The following ERBB3 variants were observed in gnomAD, a reference collection of about 807,000 sequenced individuals.
ERBB3 encodes the protein receptor tyrosine-protein kinase erbB-3.
Under a neutral mutation model 156.7 loss-of-function variants are expected in ERBB3, and 96 were observed. That is an observed-to-expected ratio of 0.61 (90% CI 0.52 to 0.73). ERBB3 has a LOEUF of 0.73. Among genes scored for constraint, ERBB3 ranks in the 30% least tolerant of loss-of-function variants. The pLI, the probability that ERBB3 is intolerant of heterozygous loss-of-function variation, is 0.00. For synonymous variants in ERBB3, 567 were observed against 632.0 expected (o/e 0.90, Z 1.54); for missense variants, 1,406 against 1,709.4 (o/e 0.82, Z 3.13).
intron 9 of ERBB3, among the ~76,000 whole-genome samples, chr12:56,090,339 A>G (rs1402551935): frequency 6.6e-6 from 1 of 152,094 alleles, no homozygotes; most frequent in Non-Finnish European, 1.5e-5. Flanking sequence ...AAATGTTAAC[A>G]TACCACATAT....
intron 2 of ERBB3, 81 bp downstream of exon 2, chr12:56,083,983 T>G (rs1868395442): frequency 7.2e-7 from 1 of 1,380,944 alleles, no homozygotes; most frequent in Non-Finnish European, 1.0e-6. Flanking sequence ...AGGGCTACCT[T>G]CTGCTGGAGT....
At chr12:56,098,376 C>T in intron 21 of ERBB3, 124 bp from the exon 22 acceptor site, 1 of 751,356 alleles carries the variant, frequency 1.3e-6, no homozygotes, top group Non-Finnish European at 2.3e-6. Flanking sequence ...CGCACCACTG[C>T]ACTCCAGTCT....
At chr12:56,094,604 G>A in intron 15 of ERBB3, 48 bp downstream of exon 15, 1 of 1,596,226 alleles carries the variant, frequency 6.3e-7, no homozygotes. Flanking sequence ...AAGGGTAGGA[G>A]CACAGAACTA....
rs1435847675 is a variant in ERBB3, at chr12:56,103,292, G to A, written c.*1237G>A. ...TAAATGATCTTCACTCCTTATCCGA[G>A]GGCAAATTCACAAGGATCCCCAAGA... On this transcript the variant is annotated 3_prime_UTR_variant, in exon 28 of 28. Transcript: ENST00000267101. The A allele has an allele frequency of 9.0e-6, 2 of 222,666 alleles. No individual in the cohort carries two copies. The highest frequency in any genetic ancestry group is 1.2e-4 in the Admixed American group (2 of 17,360). The allele number at this position is 222,666 out of a possible 1,614,324, so 13.8% of individuals were successfully genotyped here.
rs1869029336 is a variant in ERBB3 at position 56,099,859 on chromosome 12, G to A, written c.2959G>A (p.Ala987Thr). The A allele has an allele frequency of 6.2e-7, 1 of 1,614,088 alleles. No homozygotes were observed. Among genetic ancestry groups the A allele is most frequent in the Admixed American group, 1.7e-5 (1 of 60,000 alleles). Reference protein sequence around the residue: ...VIKRESGPGIAPGPEPHGLTN... With the variant: ...VIKRESGPGITPGPEPHGLTN... ...ATAGAGAGAGAGTGGGCCTGGAATA[G>A]CCCCTGGGCCAGAGCCCCATGGTCT... The change falls in exon 25 of 28, where the codon GCC becomes ACC. Residue 987 changes from alanine (A) to threonine (T), a missense_variant. Ala to Thr is a moderately conservative substitution (Grantham distance 58, BLOSUM62 0). This residue lies in a region of ERBB3 where 12 missense variants were observed against 35.8 expected (regional missense o/e 0.34). Transcript: ENST00000267101.
rs1868933829 is a variant in ERBB3 at position 56,097,672 on chromosome 12, C to CA, written c.2461-107dup. Reference sequence around the variant, plus strand: ...CTTCCACAAAACCAGTCCCTGGTGCCAAAAAAGGTTGGGGACCACTGCTGA... The same window carrying CA: ...CTTCCACAAAACCAGTCCCTGGTGCCAAAAAAAGGTTGGGGACCACTGCTGA... On this transcript the variant is annotated intron_variant, in intron 20 of 27. Transcript: ENST00000267101. 5 of 1,147,688 alleles carry CA rather than the reference C, an allele frequency of 4.4e-6. No individual in the cohort carries two copies. The Admixed American group carries it at 5.1e-5, about 12-fold the overall frequency. 71.1% of individuals were successfully genotyped at this position (1,147,688 alleles called of 1,614,324 possible).
chr12:56,091,111 T>G (rs1365799884), intron 9 of ERBB3, among the ~76,000 whole-genome samples: 2 of 148,438 alleles, frequency 1.3e-5, no homozygotes, highest in African/African-American at 5.0e-5. Context: ...GTTTTTGTAG[T>G]TTTTTTTTGA....
At position 56,088,640 on chromosome 12, in the gene ERBB3, G is replaced by A. The variant is rs1868565379; in HGVS notation, c.972G>A (p.Gly324=). 6.2e-7 allele frequency: 1 copy of A among 1,614,008 alleles called. No homozygotes were observed. Among genetic ancestry groups the A allele is most frequent in the Middle Eastern group, 1.6e-4 (1 of 6,062 alleles). ...KNGLKMCEPC[G]GLCPKACEGT... ...GGCTCAAGATGTGTGAGCCTTGTGGGGGACTATGTCCCAAAGGTGGGTAGG... is the reference window on the plus strand; with the variant it reads ...GGCTCAAGATGTGTGAGCCTTGTGGAGGACTATGTCCCAAAGGTGGGTAGG... The change falls in exon 8 of 28, where the codon GGG becomes GGA. Residue 324 remains glycine, a synonymous_variant. Coordinates refer to ENST00000267101, the MANE Select transcript of ERBB3 (RefSeq NM_001982.4).
chr12:56,098,460 G>T, intron 21 of ERBB3, 40 bp from the exon 22 acceptor site: 16 of 1,321,970 alleles, frequency 1.2e-5, no homozygotes, highest in Non-Finnish European at 1.5e-5. Flanking sequence ...AAGAAAATTT[G>T]TGGAAATAAA....
At chr12:56,089,478 T>C (rs1024742731) in intron 9 of ERBB3, among the ~76,000 whole-genome samples, 2 of 152,158 alleles carry the variant, frequency 1.3e-5, no homozygotes, top group Non-Finnish European at 2.9e-5. Context: ...CTGGGCCCGG[T>C]GGCTCATGCC....
chr12:56,094,661 C>A, intron 15 of ERBB3, 105 bp downstream of exon 15: 2 of 1,391,212 alleles, frequency 1.4e-6, no homozygotes, highest in Non-Finnish European at 2.0e-6. Flanking sequence ...TCAAGAATCA[C>A]TCCCAGCTGG....
At position 56,096,757 on chromosome 12, in the gene ERBB3, A is replaced by G; in HGVS notation, c.2185A>G (p.Ile729Val). 6.2e-7 allele frequency: 1 copy of G among 1,613,122 alleles called. No homozygotes were observed. The highest frequency in any genetic ancestry group is 8.5e-7 in the Non-Finnish European group (1 of 1,179,114). ...VFGTVHKGVW[I>V]PEGESIKIPV... is the part of the protein sequence containing the mutation. ...GCCCCAAACTTCCCAGGGAGTGTGGATCCCTGAGGGTGAATCAATCAAGAT... is the reference window on the plus strand; with the variant it reads ...GCCCCAAACTTCCCAGGGAGTGTGGGTCCCTGAGGGTGAATCAATCAAGAT... Residue 729 changes from isoleucine (I) to valine (V), a missense_variant, in exon 19 of 28, where the codon ATC becomes GTC. Physicochemically the swap from Ile to Val is conservative, Grantham distance 29 (BLOSUM62 3). This residue lies in a region of ERBB3 where 979 missense variants were observed against 1,219.6 expected (regional missense o/e 0.80). Transcript: ENST00000267101.
At chr12:56,086,778 C>T in intron 4 of ERBB3, 122 bp downstream of exon 4, 1 of 1,195,284 alleles carries the variant, frequency 8.4e-7, no homozygotes. Flanking sequence ...CCTCAGGTCC[C>T]TGACTCAGCA....
Position 56,103,181 on chromosome 12 carries a change from C to T in ERBB3, c.*1126C>T, listed in dbSNP as rs1234988839. 8.7e-6 allele frequency: 2 copies of T among 230,240 alleles called. No homozygotes were observed. Among genetic ancestry groups the T allele is most frequent in the African/African-American group, 4.4e-5 (2 of 45,138 alleles). The allele number at this position is 230,240 out of a possible 1,614,324, so 14.3% of individuals were successfully genotyped here. A position where few individuals can be genotyped will look rare whatever the true frequency, so the allele number is the denominator to read the frequency against. ...ACAGCCACATCCTCCTATACCTAGACATCTCATCTCAGGAAGTGGTGGTGG... is the reference window on the plus strand; with the variant it reads ...ACAGCCACATCCTCCTATACCTAGATATCTCATCTCAGGAAGTGGTGGTGG... On this transcript the variant is annotated 3_prime_UTR_variant, in exon 28 of 28. Coordinates refer to ENST00000267101, the MANE Select transcript of ERBB3 (RefSeq NM_001982.4).
chr12:56,093,021 CACA>C lies in ERBB3; in HGVS notation c.1222_1224del (p.Asn408del). The C allele has an allele frequency of 6.2e-7, 1 of 1,614,180 alleles. No individual in the cohort carries two copies. The stretch of plus-strand genomic sequence containing the variant: ...CATCCAGTCCTGGCCGCCCCACATG[CACA>C]ACTTCAGTGTTTTTTCCAATTTGAC... On this transcript the variant is annotated inframe_deletion, in exon 11 of 28. Coordinates refer to ENST00000267101, the MANE Select transcript of ERBB3 (RefSeq NM_001982.4).
intron 9 of ERBB3, among the ~76,000 whole-genome samples, chr12:56,090,869 A>G (rs1868658421): frequency 6.6e-6 from 1 of 152,174 alleles, no homozygotes; most frequent in African/African-American, 2.4e-5. Context: ...GAAAATTAAC[A>G]TTAACACAAA....
At chr12:56,086,684 C>G (rs1868499146) in intron 4 of ERBB3, 28 bp downstream of exon 4, 1 of 1,613,494 alleles carries the variant, frequency 6.2e-7, no homozygotes, top group African/African-American at 1.3e-5. Context: ...AGATTGCTCC[C>G]CAGTCCCACC....
intron 17 of ERBB3, 35 bp from the exon 18 acceptor site, chr12:56,096,468 C>T (rs1220994266): frequency 6.2e-7 from 1 of 1,612,802 alleles, no homozygotes; most frequent in Non-Finnish European, 8.5e-7. Context: ...TGGGAATGGC[C>T]TTTCCTGAGT....
chr12:56,088,779 C>G lies in ERBB3; in HGVS notation c.1020C>G (p.Phe340Leu), dbSNP rs1270204703. 1.2e-6 allele frequency: 2 copies of G among 1,614,042 alleles called. No individual in the cohort carries two copies. Among genetic ancestry groups the G allele is most frequent in the Admixed American group, 1.7e-5 (1 of 59,994 alleles). ...AGGGAACAGGCTCTGGGAGCCGCTT[C>G]CAGACTGTGGACTCGAGCAACATTG... Reference protein sequence around the residue: ...ACEGTGSGSRFQTVDSSNIDG... With the variant: ...ACEGTGSGSRLQTVDSSNIDG... The change falls in exon 9 of 28, where the codon TTC becomes TTG. Residue 340 changes from phenylalanine to leucine, a missense_variant. Physicochemically the swap from Phe to Leu is conservative, Grantham distance 22. Around this residue, in one of 3 missense-constraint regions of ERBB3, gnomAD observed 979 missense variants for 1,219.6 expected, o/e 0.80. Transcript: ENST00000267101.
Sources: gnomAD v4.1 joint callset for allele counts (sites outside exome capture counted in the v4.1 genomes callset) on GRCh38, gnomAD v4.1.1 for gene constraint, gnomAD v4.1.1 regional missense constraint, MANE v1.5 for transcripts, NCBI Gene and HGNC (gene_info 2026-07-23, HGNC 2026-07-21) for gene names.